FAIM2: variants seen among roughly 807,000 people sequenced by gnomAD.
FAIM2 encodes protein lifeguard 2.
In FAIM2, 27 loss-of-function variants were observed where a neutral mutation model predicts 47.4. The ratio of observed to expected loss-of-function variants is 0.57; its 90% CI spans 0.42 to 0.78. The LOEUF (loss-of-function observed/expected upper bound fraction) is 0.78. Among genes scored for constraint, FAIM2 ranks in the 30% least tolerant of loss-of-function variants. FAIM2 has a pLI of 0.00. For synonymous variants in FAIM2, 156 were observed against 159.3 expected, an observed-to-expected ratio of 0.98 and a Z score of 0.16; for missense variants, 311 against 389.4, an observed-to-expected ratio of 0.80 and a Z score of 1.69.
rs759179551 is a variant in FAIM2, at chr12:49,898,052, C to T, written c.250G>A (p.Asp84Asn). 1 of 1,614,008 alleles carries T rather than the reference C, an allele frequency of 6.2e-7. No homozygotes were observed. Among genetic ancestry groups the T allele is most frequent in the Non-Finnish European group, 8.5e-7 (1 of 1,179,950 alleles). The change falls in exon 3 of 12, where the codon GAC (aspartate) becomes AAC (asparagine). Residue 84 changes from aspartate (D) to asparagine (N), a missense_variant. Coordinates refer to ENST00000320634, the MANE Select transcript of FAIM2 (RefSeq NM_012306.4). The stretch of plus-strand genomic sequence containing the variant: ...CTGAAAGTGGTGAAGAGCTCATGGT[C>T]TCCGGTGGGGAAACCGTTGTCATAG... ...SSYDNGFPTGDHELFTTFSWD... is the reference protein window; with the variant it reads ...SSYDNGFPTGNHELFTTFSWD...
chr12:49,877,085 A>T (rs1946741802), intron 11 of FAIM2, among the ~76,000 whole-genome samples: 1 of 152,208 alleles, frequency 6.6e-6, no homozygotes, highest in Admixed American at 6.5e-5. Context: ...CTCTGCTCTG[A>T]AGAACCAGGT....
intron 1 of FAIM2, chr12:49,901,545 G>A (rs1445626288): frequency 6.7e-6 from 3 of 448,424 alleles, no homozygotes; most frequent in Non-Finnish European, 1.2e-5. Context: ...GCTGGGATAG[G>A]AACAGAGGAA....
At chr12:49,879,424 G>C in intron 11 of FAIM2, among the ~76,000 whole-genome samples, 1 of 144,932 alleles carries the variant, frequency 6.9e-6, no homozygotes, top group East Asian at 2.1e-4. Context: ...GTGAGTGTAT[G>C]TGTGTATGTG....
chr12:49,891,682 T>G (rs920681021), intron 5 of FAIM2, among the ~76,000 whole-genome samples: 3 of 152,146 alleles, frequency 2.0e-5, no homozygotes, highest in Admixed American at 2.0e-4. Context: ...TGTTAGTTAC[T>G]TTACTGTTGG....
intron 11 of FAIM2, among the ~76,000 whole-genome samples, chr12:49,880,790 A>G (rs1020486015): frequency 1.3e-5 from 2 of 151,090 alleles, no homozygotes; most frequent in South Asian, 2.1e-4. Flanking sequence ...GTGTGTATGT[A>G]TATGTGTTTG....
intron 5 of FAIM2, among the ~76,000 whole-genome samples, chr12:49,894,008 T>C (rs1041557510): frequency 6.6e-6 from 1 of 152,208 alleles, no homozygotes; most frequent in Non-Finnish European, 1.5e-5. Flanking sequence ...ACAAGGGGTC[T>C]GGAGGAAGGG....
chr12:49,900,008 C>T (rs925141942), intron 2 of FAIM2: 10 of 274,374 alleles, frequency 3.6e-5, no homozygotes, highest in African/African-American at 2.0e-4. Context: ...AAGACCCTTG[C>T]CCTCTTGTCC....
At chr12:49,900,345 G>A (rs904860032) in intron 2 of FAIM2, 22 of 548,508 alleles carry the variant, frequency 4.0e-5, no homozygotes, top group Non-Finnish European at 5.2e-5. Flanking sequence ...AGGGGGAGGG[G>A]CTGCTGAGGA....
intron 11 of FAIM2, among the ~76,000 whole-genome samples, 173 bp from the exon 12 acceptor site, chr12:49,870,826 G>A (rs1326788736): frequency 6.6e-6 from 1 of 152,188 alleles, no homozygotes; most frequent in Non-Finnish European, 1.5e-5. Context: ...CTATTCAGCA[G>A]CTATTTACTG....
intron 11 of FAIM2, among the ~76,000 whole-genome samples, chr12:49,872,976 C>T (rs1946713254): frequency 6.6e-6 from 1 of 152,202 alleles, no homozygotes; most frequent in Non-Finnish European, 1.5e-5. Flanking sequence ...GAGAGGTGCC[C>T]TCTTGAGGAC....
chr12:49,878,012 GTGTA>G (rs1420559281), intron 11 of FAIM2, among the ~76,000 whole-genome samples: 5 of 151,432 alleles, frequency 3.3e-5, no homozygotes, highest in South Asian at 2.1e-4. Flanking sequence ...ATGTGCATGT[GTGTA>G]TGTGTGAGTG....
chr12:49,870,851 G>C (rs576652122), intron 11 of FAIM2, among the ~76,000 whole-genome samples, 198 bp from the exon 12 acceptor site: 1 of 152,332 alleles, frequency 6.6e-6, no homozygotes, highest in African/African-American at 2.4e-5. Context: ...CCTGCTATGT[G>C]CTAGGCACAG....
intron 11 of FAIM2, among the ~76,000 whole-genome samples, chr12:49,879,944 ATATGTGCGCTTGTATG>A (rs1310013180): frequency 7.3e-6 from 1 of 136,498 alleles, no homozygotes; most frequent in Non-Finnish European, 1.6e-5. Context: ...GCCCTTGTAT[ATATGTGCGCTTGTATG>A]TGCATGTGTG....
At chr12:49,888,000 CCT>C (rs1402275565) in intron 10 of FAIM2, among the ~76,000 whole-genome samples, 2 of 152,164 alleles carry the variant, frequency 1.3e-5, no homozygotes, top group African/African-American at 2.4e-5. Flanking sequence ...CTCTCTGCCC[CCT>C]GAGTCTTCCT....
At position 49,870,499 on chromosome 12, in the gene FAIM2, G is replaced by A. The variant is rs893161980; in HGVS notation, c.*5C>T. 1.2e-6 allele frequency: 2 copies of A among 1,613,012 alleles called. No individual in the cohort carries two copies. ...TCTGGAGGACGGTGGGGCAGGGAGG[G>A]CTCCTCATTCTCGGTTAGTGCCAAA... On this transcript the variant is annotated 3_prime_UTR_variant, in exon 12 of 12. Coordinates refer to ENST00000320634, the MANE Select transcript of FAIM2 (RefSeq NM_012306.4).
chr12:49,871,623 C>T (rs1946703338), intron 11 of FAIM2, among the ~76,000 whole-genome samples: 2 of 152,000 alleles, frequency 1.3e-5, no homozygotes, highest in South Asian at 4.2e-4. Flanking sequence ...GGTGATGAAG[C>T]ACTGATCCAC....
rs965685105 is a variant in FAIM2, at chr12:49,901,197, C to T, written c.144G>A (p.Lys48=). The stretch of plus-strand genomic sequence containing the variant: ...TGGGGGCTGGGGGGAAGGCCCCTGC[C>T]TTCATCCCCTCCCCAGAGGTGGCTT... ...YEEATSGEGM[K]AGAFPPAPTA... The change falls in exon 2 of 12, where the codon AAG becomes AAA. Residue 48 remains lysine, a synonymous_variant. Transcript: ENST00000320634. The T allele has an allele frequency of 4.1e-5, 66 of 1,611,292 alleles. No homozygotes were observed. The highest frequency in any genetic ancestry group is 5.5e-5 in the Non-Finnish European group (65 of 1,178,838).
At position 49,880,508 on chromosome 12, in the gene FAIM2, G is replaced by GTGTGTGTA. The variant is rs1444924155; in HGVS notation, c.801+6877_801+6878insTACACACA. ...TATGCATGTGTATGTGTGTGTATGA[G>GTGTGTGTA]TGTGTATGTGCATGTGTATATGTGC... On this transcript the variant is annotated intron_variant, in intron 11 of 11. Transcript: ENST00000320634. Among the ~76,000 whole-genome samples, 325 of 147,330 alleles carry GTGTGTGTA rather than the reference G, an allele frequency of 2.2e-3. 1 individual carries two copies. Among genetic ancestry groups the GTGTGTGTA allele is most frequent in the African/African-American group, 7.5e-3 (283 of 37,492 alleles).
chr12:49,890,591 A>G, intron 7 of FAIM2, 92 bp downstream of exon 7: 2 of 1,226,410 alleles, frequency 1.6e-6, no homozygotes, highest in Non-Finnish European at 2.4e-6. Flanking sequence ...GGACATCCCC[A>G]GCCCAGTCTT....
Sources: allele counts gnomAD v4.1 joint callset (sites outside exome capture counted in the v4.1 genomes callset), GRCh38; gene constraint gnomAD v4.1.1; transcripts MANE v1.5; gene names NCBI Gene and HGNC (gene_info 2026-07-23, HGNC 2026-07-21).